The following MTNAP1 variants were observed in gnomAD, a reference collection of about 807,000 sequenced individuals.
MTNAP1 encodes the protein mitochondrial nucleoid-associated protein 1.
chr17:73,237,561 A>G, the MTNAP1 span, among the ~76,000 whole-genome samples: 2 of 152,182 alleles, frequency 1.3e-5, no homozygotes, highest in African/African-American at 4.8e-5. Flanking sequence ...CGATACTGAA[A>G]GCAGTTGAGT....
At chr17:73,247,276 G>A in the MTNAP1 span, 1 of 1,614,186 alleles carries the variant, frequency 6.2e-7, no homozygotes, top group Non-Finnish European at 8.5e-7. Flanking sequence ...GAAGAGCACA[G>A]TACCTCCATG....
the MTNAP1 span, among the ~76,000 whole-genome samples, chr17:73,238,921 CTGTG>C: frequency 2.7e-5 from 4 of 150,860 alleles, no homozygotes; most frequent in East Asian, 2.0e-4. Context: ...CCATACTTTT[CTGTG>C]TGTGTGTGTG....
the MTNAP1 span, chr17:73,242,948 G>T: frequency 0.35 from 559,338 of 1,613,134 alleles, 101,396 homozygotes; most frequent in Admixed American, 0.38. Context: ...GTGGCATCAC[G>T]ATGCTCTTCA....
At chr17:73,235,673 A>G in the MTNAP1 span, 2 of 1,614,216 alleles carry the variant, frequency 1.2e-6, no homozygotes, top group African/African-American at 2.7e-5. Flanking sequence ...GATTTAATTA[A>G]AGCTAAAGGG....
the MTNAP1 span, among the ~76,000 whole-genome samples, chr17:73,246,606 T>C: frequency 6.6e-6 from 1 of 152,182 alleles, no homozygotes; most frequent in Admixed American, 6.5e-5. Context: ...TTCTCTCTCT[T>C]CTCAAAGCTG....
At chr17:73,232,933 C>T in the MTNAP1 span, 6 of 149,220 alleles carry the variant, frequency 4.0e-5, no homozygotes, top group African/African-American at 1.5e-4. Flanking sequence ...CCCATCCACT[C>T]CGCAGAATCA....
chr17:73,246,086 G>A, the MTNAP1 span, among the ~76,000 whole-genome samples: 1 of 152,024 alleles, frequency 6.6e-6, no homozygotes, highest in East Asian at 1.9e-4. Flanking sequence ...GGAAATTTAG[G>A]CAACGTTGAT....
At chr17:73,247,361 G>A in the MTNAP1 span, 1 of 1,613,790 alleles carries the variant, frequency 6.2e-7, no homozygotes, top group East Asian at 2.2e-5. Context: ...TTAAGTAGGA[G>A]AAGCCTTCGT....
At chr17:73,236,726 C>T in the MTNAP1 span, 16 of 1,614,154 alleles carry the variant, frequency 9.9e-6, 1 homozygote, top group South Asian at 1.1e-4. Flanking sequence ...TCTCTGGAGC[C>T]CAAATCTGAT....
the MTNAP1 span, chr17:73,235,998 T>A: frequency 6.2e-7 from 1 of 1,614,204 alleles, no homozygotes; most frequent in Non-Finnish European, 8.5e-7. Flanking sequence ...CTGGAGCGTC[T>A]TTACTGGTTG....
chr17:73,238,326 C>T, the MTNAP1 span, among the ~76,000 whole-genome samples: 9 of 151,932 alleles, frequency 5.9e-5, no homozygotes, highest in East Asian at 5.8e-4. Context: ...GCCATTGGTG[C>T]TTTCATGCTT....
the MTNAP1 span, among the ~76,000 whole-genome samples, chr17:73,235,176 T>C: frequency 1.9e-4 from 29 of 152,060 alleles, no homozygotes; most frequent in Non-Finnish European, 4.0e-4. Context: ...GCAGATATTG[T>C]GCCACTGCAC....
chr17:73,235,355 G>A, the MTNAP1 span: 1 of 830,592 alleles, frequency 1.2e-6, no homozygotes, highest in Non-Finnish European at 1.8e-6. Flanking sequence ...TTGACTTGCT[G>A]TAACCGTAAG....
the MTNAP1 span, among the ~76,000 whole-genome samples, chr17:73,241,216 G>A: frequency 6.6e-6 from 1 of 152,068 alleles, no homozygotes. Flanking sequence ...GGAGTGCAGT[G>A]TAGCGATCTC....
the MTNAP1 span, among the ~76,000 whole-genome samples, chr17:73,242,611 G>T: frequency 4.2e-4 from 64 of 152,164 alleles, no homozygotes; most frequent in East Asian, 0.011. Flanking sequence ...CACATTGATT[G>T]TGCCTCCTCC....
chr17:73,237,005 C>G, the MTNAP1 span: 3 of 1,531,542 alleles, frequency 2.0e-6, no homozygotes, highest in Non-Finnish European at 2.6e-6. Flanking sequence ...GGTAAACAAG[C>G]TTATTTTCAA....
At chr17:73,239,002 G>A in the MTNAP1 span, among the ~76,000 whole-genome samples, 2 of 151,996 alleles carry the variant, frequency 1.3e-5, no homozygotes, top group Admixed American at 6.6e-5. Context: ...GGAGTGCAGT[G>A]GTGTGATCTT....
the MTNAP1 span, chr17:73,245,131 C>T: frequency 1.3e-5 from 21 of 1,608,048 alleles, no homozygotes; most frequent in Non-Finnish European, 1.7e-5. Flanking sequence ...TGGAAGTGGC[C>T]TCTCGGATCC....
the MTNAP1 span, chr17:73,245,059 ATTTC>A: frequency 2.9e-6 from 3 of 1,036,590 alleles, no homozygotes; most frequent in Admixed American, 6.6e-5. Flanking sequence ...TTAATACTCT[ATTTC>A]TAAACTTATA....
Sources: gnomAD v4.1 joint callset for allele counts (sites outside exome capture counted in the v4.1 genomes callset) on GRCh38, gnomAD v4.1.1 for gene constraint, MANE v1.5 for transcripts, NCBI Gene and HGNC (gene_info 2026-07-23, HGNC 2026-07-21) for gene names.